Variants in SVEP1 observed in about 807,000 individuals in gnomAD.
The protein encoded by SVEP1 is sushi, von Willebrand factor type A, EGF and pentraxin domain-containing protein 1.
SVEP1 carries 164 observed loss-of-function variants against 367.3 expected under a neutral mutation model. The ratio of observed to expected loss-of-function variants is 0.45; its 90% CI spans 0.39 to 0.51. The LOEUF (loss-of-function observed/expected upper bound fraction) is 0.51. Ranked by LOEUF, SVEP1 falls within the 20% of genes least tolerant of loss-of-function variation. SVEP1 has a pLI of 0.00. For synonymous variants in SVEP1, 1,666 were observed against 1,611.6 expected (o/e 1.03, Z -0.81); for missense variants, 4,117 against 4,425.3 (o/e 0.93, Z 1.98).
At chr9:110,367,202 G>A (rs1302567132) in intron 47 of SVEP1, among the ~76,000 whole-genome samples, 1 of 152,120 alleles carries the variant, frequency 6.6e-6, no homozygotes, top group Non-Finnish European at 1.5e-5. Context: ...CTCTGTTGCC[G>A]AGGCTAGAGT....
At chr9:110,480,697 T>G (rs1445056213) in intron 12 of SVEP1, among the ~76,000 whole-genome samples, 1 of 152,032 alleles carries the variant, frequency 6.6e-6, no homozygotes, top group Non-Finnish European at 1.5e-5. Context: ...AGTGATGTGA[T>G]CAAAGTTCCC....
chr9:110,405,658 TATGA>T (rs1827942746), intron 38 of SVEP1, among the ~76,000 whole-genome samples: 1 of 152,238 alleles, frequency 6.6e-6, no homozygotes, highest in Non-Finnish European at 1.5e-5. Flanking sequence ...TCATATGTAT[TATGA>T]ATACCTACTT....
chr9:110,493,756 A>C (rs1297860674), intron 8 of SVEP1, among the ~76,000 whole-genome samples: 1 of 152,050 alleles, frequency 6.6e-6, no homozygotes, highest in Non-Finnish European at 1.5e-5. Flanking sequence ...CAAAAAGCAA[A>C]AAACAAACAA....
chr9:110,571,281 C>T (rs993689523), intron 1 of SVEP1, among the ~76,000 whole-genome samples: 1 of 152,126 alleles, frequency 6.6e-6, no homozygotes, highest in African/African-American at 2.4e-5. Flanking sequence ...GCTTAGCATC[C>T]ACATTTTCCT....
intron 1 of SVEP1, among the ~76,000 whole-genome samples, chr9:110,564,391 G>T (rs1169361056): frequency 1.3e-5 from 2 of 152,124 alleles, no homozygotes; most frequent in Admixed American, 6.6e-5. Flanking sequence ...ACACATGAAA[G>T]ACATGGAAAA....
At chr9:110,569,891 T>G (rs921319732) in intron 1 of SVEP1, among the ~76,000 whole-genome samples, 1 of 152,236 alleles carries the variant, frequency 6.6e-6, no homozygotes, top group Non-Finnish European at 1.5e-5. Flanking sequence ...ATTAATTTCT[T>G]GAATGACTCT....
chr9:110,482,274 G>T, intron 11 of SVEP1, 87 bp downstream of exon 11: 1 of 1,366,648 alleles, frequency 7.3e-7, no homozygotes, highest in Non-Finnish European at 9.6e-7. Flanking sequence ...AATGCTCATA[G>T]CCTATTTTCT....
At chr9:110,564,314 G>A (rs1830464229) in intron 1 of SVEP1, among the ~76,000 whole-genome samples, 1 of 152,112 alleles carries the variant, frequency 6.6e-6, no homozygotes, top group African/African-American at 2.4e-5. Context: ...TGTTAGAAAA[G>A]AAATAATGTC....
chr9:110,387,718 G>T (rs1358082030), intron 41 of SVEP1, among the ~76,000 whole-genome samples: 1 of 152,138 alleles, frequency 6.6e-6, no homozygotes, highest in African/African-American at 2.4e-5. Flanking sequence ...TGGGGACAGG[G>T]AGTATGGATG....
chr9:110,439,043 GTCAC>G (rs1828474062), intron 27 of SVEP1, among the ~76,000 whole-genome samples: 1 of 152,016 alleles, frequency 6.6e-6, no homozygotes, highest in African/African-American at 2.4e-5. Flanking sequence ...AATAAACTTG[GTCAC>G]TCAAACTGAA....
chr9:110,404,103 T>C (rs2118482309), intron 39 of SVEP1, among the ~76,000 whole-genome samples: 1 of 152,320 alleles, frequency 6.6e-6, no homozygotes, highest in East Asian at 1.9e-4. Context: ...TATAGAAATC[T>C]TAATATTTTA....
chr9:110,434,567 C>A, intron 29 of SVEP1, 61 bp from the exon 30 acceptor site: 2 of 1,411,180 alleles, frequency 1.4e-6, no homozygotes, highest in Non-Finnish European at 1.9e-6. Flanking sequence ...ATCACCAAGT[C>A]AATGATTTCA....
intron 40 of SVEP1, among the ~76,000 whole-genome samples, chr9:110,391,664 C>T (rs543849669): frequency 3.7e-4 from 57 of 152,156 alleles, no homozygotes; most frequent in African/African-American, 1.2e-3. Context: ...ATTGAGAGAG[C>T]GATAATAGTG....
intron 21 of SVEP1, 50 bp from the exon 22 acceptor site, chr9:110,455,753 G>A (rs755777308): frequency 2.1e-5 from 30 of 1,404,680 alleles, no homozygotes; most frequent in African/African-American, 2.8e-5. Context: ...GGGATTAACC[G>A]AAATAGAACT....
intron 36 of SVEP1, among the ~76,000 whole-genome samples, chr9:110,415,773 G>A (rs1828111774): frequency 6.6e-6 from 1 of 151,966 alleles, no homozygotes; most frequent in Non-Finnish European, 1.5e-5. Context: ...GAGCTGACAA[G>A]AAAGGAAATT....
intron 27 of SVEP1, among the ~76,000 whole-genome samples, chr9:110,441,136 CTTCCTG>C (rs1338847248): frequency 6.6e-6 from 1 of 152,100 alleles, no homozygotes; most frequent in Non-Finnish European, 1.5e-5. Context: ...TTGGCACTGG[CTTCCTG>C]TTCAAGCATA....
At chr9:110,531,992 A>G (rs1441919232) in intron 3 of SVEP1, among the ~76,000 whole-genome samples, 1 of 152,188 alleles carries the variant, frequency 6.6e-6, no homozygotes, top group Non-Finnish European at 1.5e-5. Flanking sequence ...AGTGCTTCCC[A>G]GGGTCAGTAG....
chr9:110,572,786 T>A (rs1379975670), intron 1 of SVEP1, among the ~76,000 whole-genome samples: 4 of 48,792 alleles, frequency 8.2e-5, no homozygotes, highest in East Asian at 1.7e-3. Context: ...TCTCTCTCTC[T>A]CACAAAAAAA....
intron 18 of SVEP1, among the ~76,000 whole-genome samples, chr9:110,461,595 T>C (rs970171937): frequency 1.3e-5 from 2 of 151,364 alleles, no homozygotes; most frequent in African/African-American, 4.9e-5. Flanking sequence ...TTAATTGATT[T>C]GAGAAAAAAC....
Sources: gnomAD v4.1 joint callset for allele counts (sites outside exome capture counted in the v4.1 genomes callset) on GRCh38, gnomAD v4.1.1 for gene constraint, MANE v1.5 for transcripts, NCBI Gene and HGNC (gene_info 2026-07-23, HGNC 2026-07-21) for gene names.